DYM: variants seen among roughly 807,000 people sequenced by gnomAD.
The protein encoded by DYM is dymeclin, also known as dyggve-Melchior-Clausen syndrome protein.
In DYM, 78 loss-of-function variants were observed where a neutral mutation model predicts 93.1. The ratio of observed to expected loss-of-function variants is 0.84; its 90% CI spans 0.70 to 1.01. The LOEUF (loss-of-function observed/expected upper bound fraction) is 1.01. Ranked by LOEUF, DYM falls within the 50% of genes least tolerant of loss-of-function variation. The probability of loss-of-function intolerance (pLI) is 0.00; values close to 1 mark genes in which losing one functional copy is unlikely to be tolerated. For synonymous variants in DYM, 321 were observed against 319.7 expected (o/e 1.00, Z -0.04); for missense variants, 789 against 845.0 (o/e 0.93, Z 0.82).
At chr18:49,156,161 G>A (rs2086395324) in intron 15 of DYM, among the ~76,000 whole-genome samples, 1 of 152,206 alleles carries the variant, frequency 6.6e-6, no homozygotes, top group Non-Finnish European at 1.5e-5. Context: ...AGTATATTTT[G>A]ATGTGCTAAT....
At chr18:49,166,110 C>A (rs2087827867) in intron 14 of DYM, among the ~76,000 whole-genome samples, 1 of 152,140 alleles carries the variant, frequency 6.6e-6, no homozygotes, top group Non-Finnish European at 1.5e-5. Context: ...ACCGTAAACA[C>A]CATACTTTCC....
chr18:49,322,006 A>C (rs1419579087), intron 8 of DYM, among the ~76,000 whole-genome samples: 1 of 152,146 alleles, frequency 6.6e-6, no homozygotes, highest in East Asian at 1.9e-4. Flanking sequence ...GAAAAATAAC[A>C]ATCAAGTAAA....
chr18:49,442,146 T>C (rs2081692542), intron 1 of DYM, among the ~76,000 whole-genome samples: 1 of 152,116 alleles, frequency 6.6e-6, no homozygotes, highest in Non-Finnish European at 1.5e-5. Context: ...AAAATCTACT[T>C]ACACAAAGAG....
Position 49,209,628 on chromosome 18 carries a change from G to A in DYM, c.1548C>T (p.Cys516=). Residue 516 remains cysteine (C), a synonymous_variant, in exon 14 of 18, where the codon TGC becomes TGT. Coordinates refer to ENST00000675505, the MANE Select transcript of DYM (RefSeq NM_001353214.3). ...PHSHCSTLQH[C]FSTLSDNGEE... ...CTCCATTGTCACTGAGGGTCGAGAAGCAATGCTGAAGCGTAGAACAGTGAG... is the reference window on the plus strand; with the variant it reads ...CTCCATTGTCACTGAGGGTCGAGAAACAATGCTGAAGCGTAGAACAGTGAG... The A allele has an allele frequency of 7.8e-7, 1 of 1,289,748 alleles. No homozygotes were observed. The highest frequency in any genetic ancestry group is 1.0e-6 in the Non-Finnish European group (1 of 988,832). 79.9% of individuals were successfully genotyped at this position (1,289,748 alleles called of 1,614,324 possible). A position where few individuals can be genotyped will look rare whatever the true frequency, so the allele number is the denominator to read the frequency against.
chr18:49,194,901 C>T (rs1425681115), intron 14 of DYM, among the ~76,000 whole-genome samples: 1 of 152,104 alleles, frequency 6.6e-6, no homozygotes, highest in Non-Finnish European at 1.5e-5. Flanking sequence ...TCTGTTACTA[C>T]TATTGCAGTC....
Position 49,374,957 on chromosome 18 carries a change from C to CAA in DYM, c.421+3608_421+3609dup, listed in dbSNP as rs11445191. Among the ~76,000 whole-genome samples the CAA allele has an allele frequency of 1.5e-3, 221 of 146,070 alleles. 1 individual carries two copies. The highest frequency in any genetic ancestry group is 0.014 in the Middle Eastern group (4 of 282). On this transcript the variant is annotated intron_variant, in intron 5 of 17. Transcript: ENST00000675505. ...CAGGGCAACAAAAGTGAAACTGTCT[C>CAA]AAAAAAAAAAAAATTGGCTGCCTAT...
chr18:49,147,082 AC>A (rs1272307726), intron 15 of DYM, among the ~76,000 whole-genome samples: 4 of 152,118 alleles, frequency 2.6e-5, no homozygotes, highest in African/African-American at 9.6e-5. Context: ...CCTGACAAAA[AC>A]AAGAAATGGG....
At chr18:49,131,340 GTTT>G (rs143494433) in intron 15 of DYM, among the ~76,000 whole-genome samples, 20,297 of 151,868 alleles carry the variant, frequency 0.13, 1,814 homozygotes, top group East Asian at 0.38. Context: ...CCTCTTCTTT[GTTT>G]TTTGAGGCAC....
chr18:49,373,376 G>T (rs2067218553), intron 5 of DYM, among the ~76,000 whole-genome samples: 1 of 152,108 alleles, frequency 6.6e-6, no homozygotes, highest in Non-Finnish European at 1.5e-5. Flanking sequence ...GCTAAACAAG[G>T]GGTAGATTAT....
At chr18:49,273,870 T>C (rs188497586) in intron 10 of DYM, among the ~76,000 whole-genome samples, 3 of 151,020 alleles carry the variant, frequency 2.0e-5, no homozygotes, top group Non-Finnish European at 4.4e-5. Flanking sequence ...CTATAGTACA[T>C]AATACCAATA....
chr18:49,205,887 G>GCT (rs1279845422), intron 14 of DYM: 2 of 161,648 alleles, frequency 1.2e-5, no homozygotes, highest in African/African-American at 4.8e-5. Context: ...ACACAGAAGT[G>GCT]CTCTCTTTCA....
intron 14 of DYM, among the ~76,000 whole-genome samples, chr18:49,202,161 T>C (rs1326682732): frequency 6.6e-6 from 1 of 152,250 alleles, no homozygotes; most frequent in Non-Finnish European, 1.5e-5. Context: ...CAAAGGGATG[T>C]GTGATGCCCT....
rs377292400 is a variant in DYM at position 49,419,137 on chromosome 18, T to C, written c.140+11118A>G. ...CAGCACTTTGGGAGGTCAAGGCAGG[T>C]GGATCAGGAGGTCAGGAGTTCAAGA... On this transcript the variant is annotated intron_variant, in intron 2 of 17. Coordinates refer to ENST00000675505, the MANE Select transcript of DYM (RefSeq NM_001353214.3). Among the ~76,000 whole-genome samples the C allele has an allele frequency of 4.3e-4, 66 of 151,934 alleles. 1 individual carries two copies. In the South Asian group the frequency reaches 0.013, roughly 31 times the overall value.
intron 5 of DYM, among the ~76,000 whole-genome samples, chr18:49,371,359 G>T (rs2067026905): frequency 6.6e-6 from 1 of 152,140 alleles, no homozygotes; most frequent in African/African-American, 2.4e-5. Context: ...TTAAAAATTA[G>T]CCAGGCTTAA....
intron 1 of DYM, among the ~76,000 whole-genome samples, chr18:49,441,120 T>TATAAA (rs1431193950): frequency 1.9e-4 from 1 of 5,370 alleles, no homozygotes; most frequent in African/African-American, 3.7e-4. Context: ...TATAAATATA[T>TATAAA]TATATATTTA....
intron 1 of DYM, among the ~76,000 whole-genome samples, chr18:49,444,348 A>T (rs2081923513): frequency 6.6e-6 from 1 of 152,148 alleles, no homozygotes; most frequent in East Asian, 1.9e-4. Context: ...GCTGAGACAA[A>T]TTTTTCTGAA....
chr18:49,439,153 A>T (rs938854461), intron 1 of DYM, among the ~76,000 whole-genome samples: 1 of 152,140 alleles, frequency 6.6e-6, no homozygotes, highest in Non-Finnish European at 1.5e-5. Flanking sequence ...AGTTCTGTTG[A>T]TATCTCTAAA....
chr18:49,198,249 T>C (rs571387059), intron 14 of DYM, among the ~76,000 whole-genome samples: 437 of 152,296 alleles, frequency 2.9e-3, no homozygotes, highest in African/African-American at 1.0e-2. Flanking sequence ...ATTAAAGACT[T>C]AGATGTTAGA....
chr18:49,217,088 C>G (rs896726553), intron 13 of DYM, among the ~76,000 whole-genome samples: 2 of 152,064 alleles, frequency 1.3e-5, no homozygotes, highest in Admixed American at 6.6e-5. Context: ...AGCCAAGGAT[C>G]GAGAACTACA....
Sources: allele counts gnomAD v4.1 joint callset (sites outside exome capture counted in the v4.1 genomes callset), GRCh38; gene constraint gnomAD v4.1.1; transcripts MANE v1.5; gene names NCBI Gene and HGNC (gene_info 2026-07-23, HGNC 2026-07-21).